Variants in GABRR1 observed in about 807,000 individuals in gnomAD.
GABRR1 encodes gamma-aminobutyric acid type A receptor subunit rho1, also known as gamma-aminobutyric acid receptor subunit rho-1.
A neutral mutation model predicts 55.5 loss-of-function variants in GABRR1; 59 were observed. The observed-to-expected ratio is 1.06, with a 90% CI of 0.86 to 1.32. GABRR1 has a LOEUF of 1.32. Among genes scored for constraint, GABRR1 ranks in the 40% most tolerant of loss-of-function variants. The pLI is 0.00. For missense variants in GABRR1, 602 were observed against 619.1 expected (o/e 0.97, Z 0.29); for synonymous variants, 213 against 226.0 (o/e 0.94, Z 0.51).
At chr6:89,200,804 A>C (rs1423608328) in intron 3 of GABRR1, among the ~76,000 whole-genome samples, 1 of 152,194 alleles carries the variant, frequency 6.6e-6, no homozygotes, top group African/African-American at 2.4e-5. Context: ...AGATGACAAC[A>C]AATTTAGTCC....
At chr6:89,207,655 A>G (rs181110889) in intron 1 of GABRR1, among the ~76,000 whole-genome samples, 2 of 152,290 alleles carry the variant, frequency 1.3e-5, no homozygotes, top group Non-Finnish European at 2.9e-5. Context: ...GCACACAACC[A>G]TCTAATGCTC....
chr6:89,201,623 CA>C (rs1224093616), intron 2 of GABRR1, among the ~76,000 whole-genome samples: 2 of 152,058 alleles, frequency 1.3e-5, no homozygotes, highest in Non-Finnish European at 2.9e-5. Context: ...ACAAAAAATA[CA>C]AAAACTTAGC....
At chr6:89,193,222 C>T (rs547641627) in intron 5 of GABRR1, among the ~76,000 whole-genome samples, 2 of 152,248 alleles carry the variant, frequency 1.3e-5, no homozygotes, top group African/African-American at 4.8e-5. Flanking sequence ...CACAGGCCAC[C>T]GTGGCACCCA....
chr6:89,197,942 C>G (rs1772350912), intron 5 of GABRR1, 78 bp downstream of exon 5: 4 of 1,253,008 alleles, frequency 3.2e-6, no homozygotes, highest in Non-Finnish European at 4.7e-6. Flanking sequence ...AGTAGACATT[C>G]AGAGCCAAAA....
chr6:89,193,616 A>G (rs945509905), intron 5 of GABRR1, among the ~76,000 whole-genome samples: 6 of 152,228 alleles, frequency 3.9e-5, no homozygotes, highest in African/African-American at 1.4e-4. Flanking sequence ...GCTGATTGCT[A>G]GATTTTCAGG....
At chr6:89,203,880 C>T (rs1341739078) in intron 1 of GABRR1, among the ~76,000 whole-genome samples, 2 of 152,192 alleles carry the variant, frequency 1.3e-5, no homozygotes, top group African/African-American at 2.4e-5. Flanking sequence ...TGAGCATCCT[C>T]GTTCTTTGGC....
intron 1 of GABRR1, among the ~76,000 whole-genome samples, chr6:89,230,314 G>A (rs367961285): frequency 0.036 from 5,179 of 145,388 alleles, 93 homozygotes; most frequent in African/African-American, 0.057. Context: ...GAGGAACTGC[G>A]TTCCTTTGGA....
chr6:89,183,147 A>T, intron 7 of GABRR1, among the ~76,000 whole-genome samples: 1 of 17,660 alleles, frequency 5.7e-5, no homozygotes, highest in Admixed American at 5.3e-4. Context: ...AGGATGATGG[A>T]AAAAAAAAAA....
At chr6:89,188,779 C>G (rs962658054) in intron 6 of GABRR1, among the ~76,000 whole-genome samples, 2 of 152,002 alleles carry the variant, frequency 1.3e-5, no homozygotes, top group African/African-American at 4.8e-5. Context: ...GTCCAATTTG[C>G]GTATTTTTTT....
In GABRR1 at chr6:89,199,383, A is replaced by C. The variant is rs747773649; in HGVS notation, c.327T>G (p.Asp109Glu). Residue 109 changes from aspartate (D) to glutamate (E), a missense_variant, in exon 4 of 10, where the codon GAT becomes GAG. Transcript: ENST00000454853. ...VGVDVQVESL[D>E]SISEVDMDFT... ...TTACCATGTCAACCTCTGAGATGCT[A>C]TCCAAACTCTCCACCTGCACATCCA... 6.2e-7 allele frequency: 1 copy of C among 1,614,020 alleles called. No individual in the cohort carries two copies. The highest frequency in any genetic ancestry group is 2.2e-5 in the East Asian group (1 of 44,880).
At chr6:89,217,366 G>GA (rs764949821), upstream of GABRR1, 69 of 1,602,504 alleles carry the variant, frequency 4.3e-5, no homozygotes, top group African/African-American at 8.6e-4. Flanking sequence ...CAGCAAAAAG[G>GA]AAAAGATTGT....
At chr6:89,182,447 C>T (rs903169871) in intron 7 of GABRR1, among the ~76,000 whole-genome samples, 2 of 152,094 alleles carry the variant, frequency 1.3e-5, no homozygotes, top group African/African-American at 4.8e-5. Flanking sequence ...TACCACTACA[C>T]CCAGCTGATG....
rs1485817393 is a variant in GABRR1, at chr6:89,225,521, T to G, written c.-410-4075A>C. Among the ~76,000 whole-genome samples, 203 of 137,562 alleles carry G rather than the reference T, an allele frequency of 1.5e-3. 1 individual carries two copies. The East Asian group carries it at 0.038, about 25-fold the overall frequency. The allele number at this position is 137,562 out of a possible 152,430, so 90.2% of individuals were successfully genotyped here. On this transcript the variant is annotated intron_variant, in intron 1 of 11. Transcript: ENST00000369451. ...TGAGTGAGAATATGCGGTGTTTGGT[T>G]TTTTGTTCTTGCGATAGTTTACTGA...
intron 5 of GABRR1, among the ~76,000 whole-genome samples, chr6:89,197,570 T>C (rs1308381475): frequency 1.3e-5 from 2 of 152,236 alleles, no homozygotes; most frequent in African/African-American, 4.8e-5. Flanking sequence ...AGTCATAAAG[T>C]AGCCGGGGGT....
At chr6:89,179,251 T>C (rs955385498) in intron 9 of GABRR1, among the ~76,000 whole-genome samples, 188 bp from the exon 10 acceptor site, 5 of 152,072 alleles carry the variant, frequency 3.3e-5, no homozygotes, top group Non-Finnish European at 7.4e-5. Flanking sequence ...GTTTTGCTCT[T>C]GTCGCCCAGG....
chr6:89,209,621 G>T (rs1334645277), intron 1 of GABRR1, among the ~76,000 whole-genome samples: 1 of 152,076 alleles, frequency 6.6e-6, no homozygotes, highest in Non-Finnish European at 1.5e-5. Context: ...GCCTTCAACA[G>T]GGGTGAGTCA....
chr6:89,208,549 C>T (rs146445091), intron 1 of GABRR1, among the ~76,000 whole-genome samples: 7 of 152,348 alleles, frequency 4.6e-5, no homozygotes, highest in African/African-American at 1.7e-4. Context: ...CAGATACCCT[C>T]CATCATGTGG....
intron 7 of GABRR1, among the ~76,000 whole-genome samples, chr6:89,182,793 C>T (rs909739483): frequency 2.0e-5 from 3 of 152,100 alleles, no homozygotes; most frequent in Admixed American, 1.3e-4. Flanking sequence ...GGGAGGATTG[C>T]TTGAGCTCAG....
chr6:89,189,583 G>A (rs1772021804), intron 6 of GABRR1, among the ~76,000 whole-genome samples: 1 of 144,734 alleles, frequency 6.9e-6, no homozygotes, highest in Admixed American at 7.0e-5. Context: ...AGTGGGTGCA[G>A]CGCACCAGCA....
Sources: allele counts gnomAD v4.1 joint callset (sites outside exome capture counted in the v4.1 genomes callset), GRCh38; gene constraint gnomAD v4.1.1; transcripts MANE v1.5; gene names NCBI Gene and HGNC (gene_info 2026-07-23, HGNC 2026-07-21).